Variants in HEPACAM observed in about 807,000 individuals in gnomAD.
The protein encoded by HEPACAM is hepatocyte cell adhesion molecule.
HEPACAM carries 18 observed loss-of-function variants against 38.3 expected under a neutral mutation model. The ratio of observed to expected loss-of-function variants is 0.47; its 90% CI spans 0.33 to 0.70. The LOEUF (loss-of-function observed/expected upper bound fraction) is 0.70, where lower values mean the gene tolerates loss of function less well. Among genes scored for constraint, HEPACAM ranks in the 30% least tolerant of loss-of-function variants. The pLI, the probability that HEPACAM is intolerant of heterozygous loss-of-function variation, is 0.03. For missense variants in HEPACAM, 466 were observed against 563.0 expected, an observed-to-expected ratio of 0.83 and a Z score of 1.74; for synonymous variants, 216 against 243.1, an observed-to-expected ratio of 0.89 and a Z score of 1.04.
At chr11:124,927,005 A>T (rs1275736315) in intron 1 of HEPACAM, among the ~76,000 whole-genome samples, 1 of 152,056 alleles carries the variant, frequency 6.6e-6, no homozygotes, top group African/African-American at 2.4e-5. Context: ...AGTAGCTGAG[A>T]TTACAGGCGC....
Position 124,920,678 on chromosome 11 carries a change from CAAAAAAAAAAAAAAAAAAAA to C in HEPACAM, c.*440_*459del, listed in dbSNP as rs71042463. 1 of 573,138 alleles carries C rather than the reference CAAAAAAAAAAAAAAAAAAAA, an allele frequency of 1.7e-6. No individual in the cohort carries two copies. Among genetic ancestry groups the C allele is most frequent in the Non-Finnish European group, 2.0e-6 (1 of 510,476 alleles). 35.5% of individuals were successfully genotyped at this position (573,138 alleles called of 1,614,324 possible). ...AAGTGGCCTCTCTAATCTGAACTTG[CAAAAAAAAAAAAAAAAAAAA>C]AAAAAAAAAAAGTGCCCCAGCACTC... On this transcript the variant is annotated 3_prime_UTR_variant, in exon 7 of 7. Transcript: ENST00000298251.
chr11:124,923,875 A>C lies in HEPACAM; in HGVS notation c.563T>G (p.Leu188Arg), dbSNP rs1286681900. The change falls in exon 3 of 7, where the codon CTC becomes CGC. Residue 188 changes from leucine to arginine, a missense_variant. By Grantham distance (102) the Leu-to-Arg change is moderately radical (BLOSUM62 -2). Coordinates refer to ENST00000298251, the MANE Select transcript of HEPACAM (RefSeq NM_152722.5). ...GGACAGGAGCATTCTCGAGTCATTG[A>C]GGAGGGGCTTGCCATCCTTCAGCCA... ...YTWLKDGKPLLNDSRMLLSPD... is the reference protein window; with the variant it reads ...YTWLKDGKPLRNDSRMLLSPD... 6.2e-7 allele frequency: 1 copy of C among 1,614,052 alleles called. No individual in the cohort carries two copies. The highest frequency in any genetic ancestry group is 8.5e-7 in the Non-Finnish European group (1 of 1,180,028).
At position 124,921,224 on chromosome 11, in the gene HEPACAM, G is replaced by C. The variant is rs752529150; in HGVS notation, c.1165C>G (p.Arg389Gly). The change falls in exon 7 of 7, where the codon CGC becomes GGC. Residue 389 changes from arginine to glycine, a missense_variant. Transcript: ENST00000298251. The surrounding 1 kb of genome is among the most constrained non-coding windows in gnomAD (Gnocchi z 4.6). Reference sequence around the variant, plus strand: ...GTCCGCAGTGTGCGCGAGGCGCTGCGCGAGCGGCCGGGCGAGCTCGGGGCC... The same window carrying C: ...GTCCGCAGTGTGCGCGAGGCGCTGCCCGAGCGGCCGGGCGAGCTCGGGGCC... ...PRAPSSPGRSRSASRTLRTAG... is the reference protein window; with the variant it reads ...PRAPSSPGRSGSASRTLRTAG... The C allele has an allele frequency of 6.0e-5, 89 of 1,474,894 alleles. No individual in the cohort carries two copies. The East Asian group carries it at 2.1e-3, about 35-fold the overall frequency. 91.4% of individuals were successfully genotyped at this position (1,474,894 alleles called of 1,614,324 possible).
At position 124,925,053 on chromosome 11, in the gene HEPACAM, C is replaced by G; in HGVS notation, c.102G>C (p.Val34=). Residue 34 remains valine (V), a synonymous_variant, in exon 2 of 7, where the codon GTG becomes GTC. Coordinates refer to ENST00000298251, the MANE Select transcript of HEPACAM (RefSeq NM_152722.5). ...LLIQTDPLEG[V]NITSPVRLIH... Reference sequence around the variant, plus strand: ...TCAGGCGCACGGGGCTGGTGATGTTCACCCCCTCCAGGGGGTCTGTGAACA... The same window carrying G: ...TCAGGCGCACGGGGCTGGTGATGTTGACCCCCTCCAGGGGGTCTGTGAACA... The G allele has an allele frequency of 1.9e-6, 3 of 1,594,660 alleles. No individual in the cohort carries two copies. The South Asian group carries it at 3.4e-5, about 18-fold the overall frequency.
intron 1 of HEPACAM, among the ~76,000 whole-genome samples, chr11:124,927,443 A>G (rs966366913): frequency 3.4e-5 from 5 of 148,522 alleles, no homozygotes; most frequent in Non-Finnish European, 5.9e-5. Context: ...CCCAGGATCC[A>G]GCGATCCTCC....
At chr11:124,929,370 T>A (rs1947256576) in intron 1 of HEPACAM, among the ~76,000 whole-genome samples, 1 of 152,194 alleles carries the variant, frequency 6.6e-6, no homozygotes, top group Non-Finnish European at 1.5e-5. Flanking sequence ...GGAGTCTTTC[T>A]TGAAAGCTGA....
Position 124,925,010 on chromosome 11 carries a change from T to C in HEPACAM, c.145A>G (p.Lys49Glu). 6.2e-7 allele frequency: 1 copy of C among 1,606,986 alleles called. No homozygotes were observed. The highest frequency in any genetic ancestry group is 2.2e-5 in the East Asian group (1 of 44,674). The part of the protein sequence containing the change: ...PVRLIHGTVG[K>E]SALLSVQYSS... The stretch of plus-strand genomic sequence containing the variant: ...TACTGCACAGAAAGCAGAGCCGACT[T>C]CCCCACGGTGCCATGGATCAGGCGC... The change falls in exon 2 of 7, where the codon AAG becomes GAG. Residue 49 changes from lysine (K) to glutamate (E), a missense_variant. Transcript: ENST00000298251.
In HEPACAM at chr11:124,922,808, T is replaced by C. The variant is rs750817820; in HGVS notation, c.814A>G (p.Lys272Glu). 1 of 1,614,130 alleles carries C rather than the reference T, an allele frequency of 6.2e-7. No individual in the cohort carries two copies. Among genetic ancestry groups the C allele is most frequent in the Non-Finnish European group, 8.5e-7 (1 of 1,179,934 alleles). Reference protein sequence around the residue: ...CWKPSKRKQKKLEKQNSLEYM... With the variant: ...CWKPSKRKQKELEKQNSLEYM... ...TCCAGGGAGTTTTGCTTTTCTAGCT[T>C]CTTCTGTTTCCTGTGAATCAATTCA... Residue 272 changes from lysine (K) to glutamate (E), a missense_variant, in exon 5 of 7, where the codon AAG becomes GAG. By Grantham distance (56) the Lys-to-Glu change is moderately conservative. Coordinates refer to ENST00000298251, the MANE Select transcript of HEPACAM (RefSeq NM_152722.5).
In HEPACAM at chr11:124,919,951, T is replaced by C. The variant is rs1325424043; in HGVS notation, c.*1187A>G. The C allele has an allele frequency of 8.1e-6, 13 of 1,613,756 alleles. No homozygotes were observed. The highest frequency in any genetic ancestry group is 1.3e-5 in the African/African-American group (1 of 74,918). On this transcript the variant is annotated 3_prime_UTR_variant, in exon 7 of 7. Coordinates refer to ENST00000298251, the MANE Select transcript of HEPACAM (RefSeq NM_152722.5). Reference sequence around the variant, plus strand: ...ACTGCCACTCCTATGAACTGTTCAATAGGCGGTGGCATGGGCATGTCCTGG... The same window carrying C: ...ACTGCCACTCCTATGAACTGTTCAACAGGCGGTGGCATGGGCATGTCCTGG...
chr11:124,920,985 C>A lies in HEPACAM; in HGVS notation c.*153G>T. On this transcript the variant is annotated 3_prime_UTR_variant, in exon 7 of 7. Transcript: ENST00000298251. ...GCCTCCGCGCACCCGCCTCCGTCTGCGCATGCTCATACACGTTCACACCCG... is the reference window on the plus strand; with the variant it reads ...GCCTCCGCGCACCCGCCTCCGTCTGAGCATGCTCATACACGTTCACACCCG... 7.3e-7 allele frequency: 1 copy of A among 1,372,688 alleles called. No homozygotes were observed. Among genetic ancestry groups the A allele is most frequent in the Non-Finnish European group, 9.4e-7 (1 of 1,066,790 alleles). The allele number at this position is 1,372,688 out of a possible 1,614,324, so 85.0% of individuals were successfully genotyped here. A position where few individuals can be genotyped will look rare whatever the true frequency, so the allele number is the denominator to read the frequency against.
chr11:124,924,171 G>A lies in HEPACAM; in HGVS notation c.428-161C>T, dbSNP rs866985240. 2.0e-5 allele frequency among the ~76,000 whole-genome samples: 3 copies of A among 152,144 alleles called. No homozygotes were observed. The highest frequency in any genetic ancestry group is 4.4e-5 in the Non-Finnish European group (3 of 68,022). On this transcript the variant is annotated intron_variant, in intron 2 of 6. Transcript: ENST00000298251. This position sits in a 1 kb window ranked among gnomAD's most constrained non-coding sequence, Gnocchi z 4.4. ...ATCCTAAGTCCAGTTCTTTCCCATC[G>A]CTTATTCATTCGTTTCACTGACTAT...
In HEPACAM at chr11:124,923,334, C is replaced by T. The variant is rs544709540; in HGVS notation, c.803+6G>A. On this transcript the variant is annotated splice_donor_region_variant and intron_variant, in intron 4 of 6. Transcript: ENST00000298251. ...GGACTCAGGTGCTCAGGAGAGTTAC[C>T]CAGACCTTTTGGAGGGTTTCCAGCA... 7.9e-5 allele frequency: 126 copies of T among 1,599,248 alleles called. 5 individuals carry two copies. In the South Asian group the frequency reaches 1.3e-3, roughly 17 times the overall value.
In HEPACAM at chr11:124,921,099, C is replaced by T; in HGVS notation, c.*39G>A. The stretch of plus-strand genomic sequence containing the variant: ...CCCAGCTTTCCCCCGGGCCACTGGC[C>T]GCAGACCGCGGGCGCCTCTCAGGGG... On this transcript the variant is annotated 3_prime_UTR_variant, in exon 7 of 7. Transcript: ENST00000298251. This position sits in a 1 kb window ranked among gnomAD's most constrained non-coding sequence, Gnocchi z 4.6. 2 of 1,517,102 alleles carry T rather than the reference C, an allele frequency of 1.3e-6. No homozygotes were observed. The highest frequency in any genetic ancestry group is 1.8e-6 in the Non-Finnish European group (2 of 1,138,684). The allele number at this position is 1,517,102 out of a possible 1,614,324, so 94.0% of individuals were successfully genotyped here.
At position 124,923,598 on chromosome 11, in the gene HEPACAM, C is replaced by A. The variant is rs1195893502; in HGVS notation, c.709+131G>T. 7 of 1,238,926 alleles carry A rather than the reference C, an allele frequency of 5.7e-6. No individual in the cohort carries two copies. The South Asian group carries it at 7.4e-5, about 13-fold the overall frequency. 76.7% of individuals were successfully genotyped at this position (1,238,926 alleles called of 1,614,324 possible). A position where few individuals can be genotyped will look rare whatever the true frequency, so the allele number is the denominator to read the frequency against. ...GAACCCACTGGCTACCTGTTGGTGT[C>A]CTCCATGGATAGTTGGCCCATCTCT... On this transcript the variant is annotated intron_variant, in intron 3 of 6. Coordinates refer to ENST00000298251, the MANE Select transcript of HEPACAM (RefSeq NM_152722.5).
rs139981382 is a variant in HEPACAM, at chr11:124,927,648, C to T, written c.86-2579G>A. Among the ~76,000 whole-genome samples the T allele has an allele frequency of 2.6e-3, 400 of 151,856 alleles. 2 individuals are homozygous for T. The highest frequency in any genetic ancestry group is 7.8e-3 in the African/African-American group (321 of 41,364). On this transcript the variant is annotated intron_variant, in intron 1 of 6. Transcript: ENST00000298251. Reference sequence around the variant, plus strand: ...CCTCCCAAAGTGCTGGGATTACAGGCGTGGGCCATTCATACCTGGCCTTAG... The same window carrying T: ...CCTCCCAAAGTGCTGGGATTACAGGTGTGGGCCATTCATACCTGGCCTTAG...
intron 1 of HEPACAM, among the ~76,000 whole-genome samples, chr11:124,932,222 T>C (rs1042970778): frequency 5.3e-5 from 8 of 152,156 alleles, no homozygotes; most frequent in South Asian, 2.1e-4. Flanking sequence ...TAATTTTTAA[T>C]AAACAATTTA....
Position 124,924,576 on chromosome 11 carries a change from C to T in HEPACAM, c.427+152G>A. The T allele has an allele frequency of 1.3e-6, 1 of 770,516 alleles. No homozygotes were observed. Among genetic ancestry groups the T allele is most frequent in the South Asian group, 1.4e-5 (1 of 72,666 alleles). 47.7% of individuals were successfully genotyped at this position (770,516 alleles called of 1,614,324 possible). ...CACTCTACATGTTAGCTGTGCTGTG[C>T]CTGTCTGCCAACTTCTAATGTCCAC... On this transcript the variant is annotated intron_variant, in intron 2 of 6. Transcript: ENST00000298251. The surrounding 1 kb of genome is among the most constrained non-coding windows in gnomAD (Gnocchi z 4.4).
Position 124,933,923 on chromosome 11 carries a change from C to T in HEPACAM, c.85+1999G>A, listed in dbSNP as rs1308142209. 2.0e-5 allele frequency among the ~76,000 whole-genome samples: 3 copies of T among 152,210 alleles called. No individual in the cohort carries two copies. In the South Asian group the frequency reaches 6.2e-4, roughly 31 times the overall value. On this transcript the variant is annotated intron_variant, in intron 1 of 6. Coordinates refer to ENST00000298251, the MANE Select transcript of HEPACAM (RefSeq NM_152722.5). Reference sequence around the variant, plus strand: ...GTCTCCTTAATGGGCATTTCTTCCTCTGCTTCCTCTACAAATCTTGAGGTT... The same window carrying T: ...GTCTCCTTAATGGGCATTTCTTCCTTTGCTTCCTCTACAAATCTTGAGGTT...
rs1203106652 is a variant in HEPACAM at position 124,924,286 on chromosome 11, A to G, written c.428-276T>C. On this transcript the variant is annotated intron_variant, in intron 2 of 6. Transcript: ENST00000298251. This position sits in a 1 kb window ranked among gnomAD's most constrained non-coding sequence, Gnocchi z 4.4. ...ATTCCCTCTTTCCAAATGCCTTGCC[A>G]TGAACCCTGGGCTTTAATGTCTTAA... Among the ~76,000 whole-genome samples the G allele has an allele frequency of 6.6e-6, 1 of 152,272 alleles. No homozygotes were observed. Among genetic ancestry groups the G allele is most frequent in the Admixed American group, 6.5e-5 (1 of 15,300 alleles).
Sources: allele counts gnomAD v4.1 joint callset (sites outside exome capture counted in the v4.1 genomes callset), GRCh38; gene constraint gnomAD v4.1.1; non-coding constraint Gnocchi (gnomAD v3.1); transcripts MANE v1.5; gene names NCBI Gene and HGNC (gene_info 2026-07-23, HGNC 2026-07-21).